The following POLA1 variants were observed in gnomAD, a reference collection of about 807,000 sequenced individuals.
The protein encoded by POLA1 is DNA polymerase alpha 1, catalytic subunit.
In POLA1, 15 loss-of-function variants were observed where a neutral mutation model predicts 124.0. The observed-to-expected ratio is 0.12, with a 90% CI of 0.08 to 0.19. POLA1 has a LOEUF of 0.19. POLA1 is among the 10% of genes least tolerant of loss of function. POLA1 has a pLI of 1.00. For missense variants in POLA1, 886 were observed against 1,103.4 expected, an observed-to-expected ratio of 0.80 and a Z score of 2.79; for synonymous variants, 408 against 389.4, an observed-to-expected ratio of 1.05 and a Z score of -0.56.
intron 26 of POLA1, among the ~76,000 whole-genome samples, chrX:24,765,343 G>T (rs1198912740): frequency 1.9e-5 from 2 of 105,475 alleles, no homozygotes; most frequent in African/African-American, 7.0e-5. Context: ...TATTGCCCAG[G>T]CTGAAGTGCA....
At chrX:24,970,016 G>T (rs187126134) in intron 36 of POLA1, among the ~76,000 whole-genome samples, 121 of 112,364 alleles carry the variant, frequency 1.1e-3, no homozygotes, top group African/African-American at 3.6e-3. Flanking sequence ...CTTTTTTATG[G>T]CTGCATAGTA....
chrX:24,865,145 G>A (rs1156839084), intron 34 of POLA1, among the ~76,000 whole-genome samples: 1 of 111,978 alleles, frequency 8.9e-6, no homozygotes, highest in Non-Finnish European at 1.9e-5. Context: ...CTCCATAAAA[G>A]AGTGGCAATT....
intron 26 of POLA1, among the ~76,000 whole-genome samples, chrX:24,765,606 C>T (rs1160130415): frequency 9.0e-6 from 1 of 111,526 alleles, no homozygotes; most frequent in Non-Finnish European, 1.9e-5. Flanking sequence ...CTTATGCCAC[C>T]TTCTTGATGA....
intron 32 of POLA1, among the ~76,000 whole-genome samples, chrX:24,834,496 G>T (rs1179892617): frequency 8.9e-6 from 1 of 112,133 alleles, no homozygotes; most frequent in Non-Finnish European, 1.9e-5. Context: ...GTTGGGCTGG[G>T]CATGGTGGCT....
intron 36 of POLA1, among the ~76,000 whole-genome samples, chrX:24,982,391 G>T (rs1601930498): frequency 9.1e-6 from 1 of 110,487 alleles, no homozygotes. Context: ...CTGTTCAGGT[G>T]GGGGTTTTTC....
chrX:24,706,048 T>C (rs758008073), intron 4 of POLA1, among the ~76,000 whole-genome samples: 9 of 111,824 alleles, frequency 8.0e-5, no homozygotes, highest in Admixed American at 3.8e-4. Context: ...GGGGTGATAA[T>C]TTGAGACCAT....
intron 35 of POLA1, among the ~76,000 whole-genome samples, chrX:24,888,931 G>A (rs892042127): frequency 3.7e-5 from 4 of 109,086 alleles, no homozygotes; most frequent in South Asian, 8.1e-4. Context: ...GTGCAGTGGC[G>A]GGATCTCGGC....
At chrX:24,956,191 T>C (rs2048103716) in intron 36 of POLA1, among the ~76,000 whole-genome samples, 1 of 109,855 alleles carries the variant, frequency 9.1e-6, no homozygotes, top group African/African-American at 3.3e-5. Flanking sequence ...CTTGGGAGGC[T>C]GAGAGGCAAG....
chrX:24,939,029 A>G (rs989337073), intron 36 of POLA1, among the ~76,000 whole-genome samples: 2 of 112,284 alleles, frequency 1.8e-5, no homozygotes, highest in Non-Finnish European at 3.8e-5. Context: ...TTTATGTACA[A>G]AGAGACTTAG....
chrX:24,904,425 G>GTT (rs764093390), intron 35 of POLA1, among the ~76,000 whole-genome samples: 7 of 98,780 alleles, frequency 7.1e-5, no homozygotes, highest in Admixed American at 1.1e-4. Context: ...GCTTTCTTTT[G>GTT]TTTTTTTTTT....
rs113597498 is a variant in POLA1, at chrX:24,920,583, T to TC, written c.4165-9869dup. ...AATAAAAAGTGGCATAATAAAAGGA[T>TC]CAAGGGGCTTGGACACTGAAAACCT... On this transcript the variant is annotated intron_variant, in intron 35 of 36. Transcript: ENST00000379068. Among the ~76,000 whole-genome samples the TC allele has an allele frequency of 7.4e-3, 828 of 112,063 alleles. 5 individuals carry two copies. The highest frequency in any genetic ancestry group is 0.025 in the African/African-American group (772 of 30,874).
At chrX:24,911,020 A>G (rs748388650) in intron 35 of POLA1, among the ~76,000 whole-genome samples, 25 of 112,464 alleles carry the variant, frequency 2.2e-4, no homozygotes, top group Non-Finnish European at 4.3e-4. Context: ...GAAATCACAC[A>G]AATTATATTC....
At chrX:24,868,095 T>C (rs902532436) in intron 34 of POLA1, among the ~76,000 whole-genome samples, 4 of 112,192 alleles carry the variant, frequency 3.6e-5, no homozygotes, top group African/African-American at 9.7e-5. Context: ...TTAGGTTGCA[T>C]TGAGTAATGC....
chrX:24,833,140 T>C (rs1041553341), intron 32 of POLA1, among the ~76,000 whole-genome samples: 6 of 111,371 alleles, frequency 5.4e-5, no homozygotes, highest in Non-Finnish European at 7.5e-5. Flanking sequence ...CTCCCACTTA[T>C]GAGTGAGAGC....
At chrX:24,951,343 A>AACCCC (rs2048039914) in intron 36 of POLA1, among the ~76,000 whole-genome samples, 2 of 40,937 alleles carry the variant, frequency 4.9e-5, no homozygotes, top group Non-Finnish European at 9.3e-5. Context: ...ACACCTCCCT[A>AACCCC]CCCCCCCCCC....
chrX:24,984,204 A>G (rs771817154), intron 36 of POLA1, among the ~76,000 whole-genome samples: 1 of 112,557 alleles, frequency 8.9e-6, no homozygotes, highest in South Asian at 3.7e-4. Flanking sequence ...AAAAGTATAC[A>G]TTGAGGATTA....
chrX:24,898,844 T>G (rs2047238969), intron 35 of POLA1, among the ~76,000 whole-genome samples: 1 of 111,706 alleles, frequency 9.0e-6, no homozygotes, highest in Non-Finnish European at 1.9e-5. Flanking sequence ...GCGCATTTCA[T>G]TGTTTCACTT....
intron 35 of POLA1, among the ~76,000 whole-genome samples, chrX:24,914,749 A>G (rs965237978): frequency 9.0e-6 from 1 of 111,721 alleles, no homozygotes; most frequent in Non-Finnish European, 1.9e-5. Flanking sequence ...CGATTTGTTT[A>G]AAGTTACCAT....
At chrX:24,949,719 TC>T (rs1369978232) in intron 36 of POLA1, among the ~76,000 whole-genome samples, 1 of 109,544 alleles carries the variant, frequency 9.1e-6, no homozygotes. Context: ...CTTTTCTTTT[TC>T]TTTTTTTCTC....
Sources: allele counts gnomAD v4.1 joint callset (sites outside exome capture counted in the v4.1 genomes callset), GRCh38; gene constraint gnomAD v4.1.1; transcripts MANE v1.5; gene names NCBI Gene and HGNC (gene_info 2026-07-23, HGNC 2026-07-21).